AIG1: variants seen among roughly 807,000 people sequenced by gnomAD.
AIG1 encodes the protein androgen induced 1, also known as androgen-induced gene 1 protein.
In AIG1, 23 loss-of-function variants were observed where a neutral mutation model predicts 31.4. The ratio of observed to expected loss-of-function variants is 0.73; its 90% CI spans 0.53 to 1.04. The LOEUF is 1.04. AIG1 is among the 50% of genes least tolerant of loss of function. The pLI is 0.00. For synonymous variants in AIG1, 100 were observed against 110.5 expected, an observed-to-expected ratio of 0.90 and a Z score of 0.60; for missense variants, 274 against 295.0, an observed-to-expected ratio of 0.93 and a Z score of 0.52.
chr6:143,300,048 C>T (rs1251940496), intron 4 of AIG1, among the ~76,000 whole-genome samples: 1 of 152,156 alleles, frequency 6.6e-6, no homozygotes, highest in Admixed American at 6.5e-5. Flanking sequence ...CAGATGAGCC[C>T]CATGTCTGGC....
chr6:143,224,839 A>C (rs1018983047), intron 3 of AIG1, among the ~76,000 whole-genome samples: 1 of 152,138 alleles, frequency 6.6e-6, no homozygotes. Flanking sequence ...ATGTTCTCCC[A>C]ACCAGGTTCC....
intron 3 of AIG1, chr6:143,188,181 C>T (rs1789446928): frequency 1.0e-6 from 1 of 997,774 alleles, no homozygotes; most frequent in Non-Finnish European, 1.2e-6. Context: ...AGGTATCTCT[C>T]TTTACTCGTA....
intron 3 of AIG1, among the ~76,000 whole-genome samples, chr6:143,272,734 C>T (rs1011394795): frequency 2.6e-5 from 4 of 152,148 alleles, no homozygotes; most frequent in Non-Finnish European, 5.9e-5. Context: ...ATAACAGTTG[C>T]CAGTCCAGAG....
At chr6:143,241,341 G>A (rs1193943464) in intron 3 of AIG1, among the ~76,000 whole-genome samples, 1 of 152,180 alleles carries the variant, frequency 6.6e-6, no homozygotes, top group African/African-American at 2.4e-5. Context: ...GACTTGCGTG[G>A]AGCCCTTTTG....
chr6:143,208,648 G>A (rs1791327049), intron 3 of AIG1, among the ~76,000 whole-genome samples: 1 of 152,148 alleles, frequency 6.6e-6, no homozygotes, highest in South Asian at 2.1e-4. Context: ...AAGCAACGCT[G>A]CAGAAATTAA....
At chr6:143,303,127 C>T (rs1384432248) in intron 4 of AIG1, among the ~76,000 whole-genome samples, 1 of 151,652 alleles carries the variant, frequency 6.6e-6, no homozygotes, top group Non-Finnish European at 1.5e-5. Context: ...GGATATTAGC[C>T]CTTTGTCAGA....
intron 2 of AIG1, among the ~76,000 whole-genome samples, chr6:143,158,701 T>G (rs934698899): frequency 6.6e-6 from 1 of 151,692 alleles, no homozygotes; most frequent in Non-Finnish European, 1.5e-5. Flanking sequence ...GCCATAAGAG[T>G]AGCCTGGAAA....
At chr6:143,114,299 C>A (rs764126667) in intron 1 of AIG1, among the ~76,000 whole-genome samples, 14 of 152,294 alleles carry the variant, frequency 9.2e-5, no homozygotes, top group East Asian at 3.9e-4. Context: ...TCCTAAAAAA[C>A]CAGTGTGACT....
intron 3 of AIG1, among the ~76,000 whole-genome samples, chr6:143,229,616 C>T (rs1167685235): frequency 6.6e-6 from 1 of 152,142 alleles, no homozygotes; most frequent in East Asian, 1.9e-4. Flanking sequence ...ATGAGTTAAA[C>T]CACCATGACA....
At chr6:143,342,609 C>G (rs984344851), downstream of AIG1, 6 of 1,085,084 alleles carry the variant, frequency 5.5e-6, no homozygotes, top group East Asian at 2.4e-5. Flanking sequence ...TTTGGCAATA[C>G]GAATCACTGA....
intron 4 of AIG1, among the ~76,000 whole-genome samples, chr6:143,286,459 C>T (rs1044027768): frequency 1.3e-5 from 2 of 152,176 alleles, no homozygotes; most frequent in Non-Finnish European, 2.9e-5. Flanking sequence ...TGGTGTTCTG[C>T]CCTGGGCATT....
chr6:143,190,410 C>T (rs1165499936), intron 3 of AIG1: 1 of 985,246 alleles, frequency 1.0e-6, no homozygotes, highest in Non-Finnish European at 1.2e-6. Context: ...GTGATATTTT[C>T]CATTTATCTT....
rs144363050 is a variant in AIG1, at chr6:143,300,161, T to C, written c.515+15936T>C. On this transcript the variant is annotated intron_variant, in intron 4 of 5. Transcript: ENST00000357847. ...AACATGGATCTATGAGGGTTGAAGA[T>C]GCTGAGAACTAGGACTGGGGACCAA... Among the ~76,000 whole-genome samples the C allele has an allele frequency of 2.5e-3, 385 of 152,290 alleles. 4 individuals carry two copies. The highest frequency in any genetic ancestry group is 8.9e-3 in the African/African-American group (372 of 41,570).
At chr6:143,157,255 G>T (rs1448529694) in intron 2 of AIG1, among the ~76,000 whole-genome samples, 2 of 152,196 alleles carry the variant, frequency 1.3e-5, no homozygotes, top group East Asian at 3.9e-4. Context: ...TTCTCTGAAG[G>T]TGTAGGCCCT....
intron 3 of AIG1, among the ~76,000 whole-genome samples, chr6:143,239,064 T>A (rs2128637449): frequency 6.6e-6 from 1 of 152,266 alleles, no homozygotes; most frequent in East Asian, 1.9e-4. Flanking sequence ...GGCAGAATTT[T>A]TAGGTATTGA....
chr6:143,199,196 A>T (rs1380101427), intron 3 of AIG1, among the ~76,000 whole-genome samples: 1 of 152,200 alleles, frequency 6.6e-6, no homozygotes, highest in Non-Finnish European at 1.5e-5. Context: ...GAATATTTGA[A>T]CAAAGACTAG....
In AIG1 at chr6:143,291,030, T is replaced by C. The variant is rs1170771129; in HGVS notation, c.515+6805T>C. ...GGGGGAAGGAAGGGCCTCTCCACACTGACCAAAGCCAAGTGTGAGGCTCTA... is the reference window on the plus strand; with the variant it reads ...GGGGGAAGGAAGGGCCTCTCCACACCGACCAAAGCCAAGTGTGAGGCTCTA... On this transcript the variant is annotated intron_variant, in intron 4 of 5. Coordinates refer to ENST00000357847, the MANE Select transcript of AIG1 (RefSeq NM_016108.4). The surrounding 1 kb of genome is among the most constrained non-coding windows in gnomAD (Gnocchi z 4.2). Among the ~76,000 whole-genome samples the C allele has an allele frequency of 6.6e-6, 1 of 152,118 alleles. No homozygotes were observed. The highest frequency in any genetic ancestry group is 2.4e-5 in the African/African-American group (1 of 41,432).
chr6:143,175,129 A>G (rs1348031059), intron 3 of AIG1, among the ~76,000 whole-genome samples: 1 of 152,166 alleles, frequency 6.6e-6, no homozygotes, highest in Non-Finnish European at 1.5e-5. Flanking sequence ...TAAAGATAGG[A>G]CCCCACTACC....
intron 1 of AIG1, among the ~76,000 whole-genome samples, chr6:143,092,420 A>T (rs1191998001): frequency 6.6e-6 from 1 of 151,388 alleles, no homozygotes; most frequent in African/African-American, 2.4e-5. Flanking sequence ...TCCCCAACCT[A>T]TATTTCTTAA....
Sources: gnomAD v4.1 joint callset for allele counts (sites outside exome capture counted in the v4.1 genomes callset) on GRCh38, gnomAD v4.1.1 for gene constraint, Gnocchi (gnomAD v3.1) non-coding constraint, MANE v1.5 for transcripts, NCBI Gene and HGNC (gene_info 2026-07-23, HGNC 2026-07-21) for gene names.